Variants in SYN3 observed in about 807,000 individuals in gnomAD.
SYN3 encodes the protein synapsin-3.
SYN3 carries 35 observed loss-of-function variants against 65.8 expected under a neutral mutation model. The ratio of observed to expected loss-of-function variants is 0.53; its 90% CI spans 0.41 to 0.70. SYN3 has a LOEUF of 0.70. Ranked by LOEUF, SYN3 falls within the 30% of genes least tolerant of loss-of-function variation. SYN3 has a pLI of 0.00. For missense variants in SYN3, 680 were observed against 749.0 expected, an observed-to-expected ratio of 0.91 and a Z score of 1.08; for synonymous variants, 270 against 292.9, an observed-to-expected ratio of 0.92 and a Z score of 0.80.
chr22:32,592,777 A>G (rs916968630), intron 7 of SYN3, among the ~76,000 whole-genome samples: 1 of 152,158 alleles, frequency 6.6e-6, no homozygotes, highest in Non-Finnish European at 1.5e-5. Flanking sequence ...ACAGCCTTCT[A>G]CCAGGCCCCC....
At position 32,969,301 on chromosome 22, in the gene SYN3, G is replaced by A. The variant is rs2051945554; in HGVS notation, c.369+11344C>T. Among the ~76,000 whole-genome samples, 3 of 152,092 alleles carry A rather than the reference G, an allele frequency of 2.0e-5. No individual in the cohort carries two copies. The South Asian group carries it at 6.2e-4, about 32-fold the overall frequency. On this transcript the variant is annotated intron_variant, in intron 3 of 13. Transcript: ENST00000358763. ...GAGAGTCTAAAGGGTCATGCAACGG[G>A]CAACACAGTCCATGTTGTGTTCAGA...
chr22:32,587,824 C>T (rs908969574), intron 7 of SYN3, among the ~76,000 whole-genome samples: 30 of 152,230 alleles, frequency 2.0e-4, no homozygotes, highest in African/African-American at 7.2e-4. Flanking sequence ...GGTTTCCCAA[C>T]CTGTCATCAT....
intron 6 of SYN3, among the ~76,000 whole-genome samples, chr22:32,706,771 A>C (rs190481660): frequency 9.2e-5 from 14 of 152,328 alleles, no homozygotes; most frequent in Non-Finnish European, 1.9e-4. Flanking sequence ...TTTCATATGT[A>C]CCCCACTGTT....
chr22:32,676,695 C>T (rs2147091885), intron 6 of SYN3, among the ~76,000 whole-genome samples: 1 of 141,144 alleles, frequency 7.1e-6, no homozygotes, highest in African/African-American at 2.7e-5. Context: ...CACCACCACT[C>T]CCGGTTAATT....
At chr22:32,638,582 A>G (rs573950887) in intron 6 of SYN3, among the ~76,000 whole-genome samples, 2 of 152,154 alleles carry the variant, frequency 1.3e-5, no homozygotes, top group South Asian at 2.1e-4. Flanking sequence ...GCAGTTTTTC[A>G]TATGTTTGTT....
At chr22:32,959,955 G>T (rs887278023) in intron 3 of SYN3, among the ~76,000 whole-genome samples, 2 of 152,142 alleles carry the variant, frequency 1.3e-5, no homozygotes, top group African/African-American at 4.8e-5. Flanking sequence ...ATCAAACAGA[G>T]CAGTAATTTT....
In SYN3 at chr22:32,584,568, T is replaced by TA. The variant is rs1284330387; in HGVS notation, c.774+12105dup. ...TTATTGCTTTTCAATGTCTGTCAGT[T>TA]AAAAAAAATTGATATTCTTTGTTTT... On this transcript the variant is annotated intron_variant, in intron 7 of 13. Coordinates refer to ENST00000358763, the MANE Select transcript of SYN3 (RefSeq NM_003490.4). Among the ~76,000 whole-genome samples the TA allele has an allele frequency of 1.2e-4, 18 of 152,170 alleles. 1 individual carries two copies. The South Asian group carries it at 1.2e-3, about 11-fold the overall frequency.
At chr22:32,656,651 A>C (rs1357714461) in intron 6 of SYN3, among the ~76,000 whole-genome samples, 1 of 152,068 alleles carries the variant, frequency 6.6e-6, no homozygotes, top group African/African-American at 2.4e-5. Context: ...AGAATTTCTA[A>C]ATTATTTTAG....
chr22:32,901,497 C>T (rs1452890170), intron 4 of SYN3, among the ~76,000 whole-genome samples: 4 of 152,334 alleles, frequency 2.6e-5, no homozygotes, highest in South Asian at 4.1e-4. Context: ...GTGAACCCTT[C>T]CCTCACTGCA....
At chr22:32,743,729 G>C (rs2044845609) in intron 6 of SYN3, among the ~76,000 whole-genome samples, 1 of 152,132 alleles carries the variant, frequency 6.6e-6, no homozygotes. Context: ...CCGCCTGGGA[G>C]GTCAACATCT....
chr22:33,024,328 G>C (rs1341226001), intron 1 of SYN3, among the ~76,000 whole-genome samples: 2 of 152,054 alleles, frequency 1.3e-5, no homozygotes, highest in Admixed American at 6.6e-5. Flanking sequence ...ATATCATCTG[G>C]GGAACTTTCT....
At chr22:32,729,797 T>G (rs1339742402) in intron 6 of SYN3, among the ~76,000 whole-genome samples, 1 of 152,182 alleles carries the variant, frequency 6.6e-6, no homozygotes, top group Non-Finnish European at 1.5e-5. Context: ...TGGAATCCCT[T>G]CTCTTCCATT....
In SYN3 at chr22:32,511,583, G is replaced by A. The variant is rs1311516950; in HGVS notation, c.*2109C>T. Among the ~76,000 whole-genome samples, 1 of 152,200 alleles carries A rather than the reference G, an allele frequency of 6.6e-6. No homozygotes were observed. The highest frequency in any genetic ancestry group is 1.9e-4 in the East Asian group (1 of 5,198). ...CTGTCCTATAACATGGAACTCAGCC[G>A]AGCATGGAGACAGAGTAAGGGTGGT... On this transcript the variant is annotated 3_prime_UTR_variant, in exon 14 of 14. Coordinates refer to ENST00000358763, the MANE Select transcript of SYN3 (RefSeq NM_003490.4).
intron 6 of SYN3, among the ~76,000 whole-genome samples, chr22:32,613,967 T>G (rs2059481390): frequency 6.6e-6 from 1 of 152,218 alleles, no homozygotes; most frequent in Non-Finnish European, 1.5e-5. Context: ...ATCTCAGCCC[T>G]ACCACTGCTG....
intron 6 of SYN3, among the ~76,000 whole-genome samples, chr22:32,703,465 C>T (rs777540194): frequency 6.5e-4 from 99 of 152,000 alleles, no homozygotes; most frequent in Admixed American, 9.2e-4. Flanking sequence ...GGTGAAACCC[C>T]GTCTCTACTA....
At chr22:33,039,528 G>A (rs2053924925) in intron 1 of SYN3, among the ~76,000 whole-genome samples, 1 of 152,034 alleles carries the variant, frequency 6.6e-6, no homozygotes, top group South Asian at 2.1e-4. Flanking sequence ...CTGAGTAGCT[G>A]TGATTACAGG....
intron 6 of SYN3, among the ~76,000 whole-genome samples, chr22:32,637,240 C>T (rs1046296861): frequency 6.6e-6 from 1 of 152,192 alleles, no homozygotes; most frequent in African/African-American, 2.4e-5. Context: ...GACACTCCTG[C>T]TTGCTAGCTG....
At chr22:32,899,101 A>AAAAACAAAACAAAACAAAACAAAAC (rs137523) in intron 4 of SYN3, among the ~76,000 whole-genome samples, 6,022 of 147,492 alleles carry the variant, frequency 0.041, 218 homozygotes, top group African/African-American at 0.074. Context: ...ACTCTGTCTC[A>AAAAACAAAACAAAACAAAACAAAAC]AAAACAAAAC....
chr22:32,622,294 T>C (rs574539285), intron 6 of SYN3, among the ~76,000 whole-genome samples: 1 of 151,990 alleles, frequency 6.6e-6, no homozygotes, highest in Admixed American at 6.5e-5. Flanking sequence ...TGGGCCTCAG[T>C]TGAAAAGAAA....
Sources: gnomAD v4.1 joint callset for allele counts (sites outside exome capture counted in the v4.1 genomes callset) on GRCh38, gnomAD v4.1.1 for gene constraint, MANE v1.5 for transcripts, NCBI Gene and HGNC (gene_info 2026-07-23, HGNC 2026-07-21) for gene names.